Variants in C1QL3 observed in about 807,000 individuals in gnomAD.
C1QL3 encodes complement C1q-like protein 3.
Under a neutral mutation model 16.6 loss-of-function variants are expected in C1QL3, and 4 were observed. The ratio of observed to expected loss-of-function variants is 0.24; its 90% CI spans 0.12 to 0.55. The LOEUF (loss-of-function observed/expected upper bound fraction) is 0.55, where lower values mean the gene tolerates loss of function less well. C1QL3 is among the 20% of genes least tolerant of loss of function. C1QL3 has a pLI of 0.94. For synonymous variants in C1QL3, 189 were observed against 160.2 expected, an observed-to-expected ratio of 1.18 and a Z score of -1.36; for missense variants, 269 against 365.6, an observed-to-expected ratio of 0.74 and a Z score of 2.16.
At position 16,519,105 on chromosome 10, in the gene C1QL3, G is replaced by A. The variant is rs958251357; in HGVS notation, c.588+1373C>T. Among the ~76,000 whole-genome samples, 8 of 91,498 alleles carry A rather than the reference G, an allele frequency of 8.7e-5. No individual in the cohort carries two copies. In the South Asian group the frequency reaches 1.8e-3, roughly 20 times the overall value. 60.0% of individuals were successfully genotyped at this position (91,498 alleles called of 152,430 possible). A position where few individuals can be genotyped will look rare whatever the true frequency, so the allele number is the denominator to read the frequency against. On this transcript the variant is annotated intron_variant, in intron 1 of 1. Coordinates refer to ENST00000298943, the MANE Select transcript of C1QL3 (RefSeq NM_001010908.2). Reference sequence around the variant, plus strand: ...TGTAGGATAGGGTAGAGAATAGGACGTTTTTTGTCTTTTTTCTCTCTTACG... The same window carrying A: ...TGTAGGATAGGGTAGAGAATAGGACATTTTTTGTCTTTTTTCTCTCTTACG...
At position 16,521,269 on chromosome 10, in the gene C1QL3, C is replaced by G. The variant is rs932145557; in HGVS notation, c.-204G>C. 1.5e-5 allele frequency: 8 copies of G among 530,920 alleles called. No individual in the cohort carries two copies. In the Admixed American group the frequency reaches 1.9e-4, roughly 13 times the overall value. The allele number at this position is 530,920 out of a possible 1,614,324, so 32.9% of individuals were successfully genotyped here. A position where few individuals can be genotyped will look rare whatever the true frequency, so the allele number is the denominator to read the frequency against. ...CGCTGCTGCCGACTCCTGCTCCCCC[C>G]GCGGAGGCTGCGGCTGGGGAGGGAG... On this transcript the variant is annotated 5_prime_UTR_variant, in exon 1 of 2. Transcript: ENST00000298943.
At chr10:16,517,991 G>C (rs1322630239) in intron 1 of C1QL3, among the ~76,000 whole-genome samples, 1 of 152,058 alleles carries the variant, frequency 6.6e-6, no homozygotes, top group African/African-American at 2.4e-5. Context: ...CTCTTAGAGG[G>C]AACTGCATTT....
chr10:16,520,444 C>CG lies in C1QL3; in HGVS notation c.588+33_588+34insC. On this transcript the variant is annotated intron_variant, in intron 1 of 1. Transcript: ENST00000298943. This position sits in a 1 kb window ranked among gnomAD's most constrained non-coding sequence, Gnocchi z 8.3. ...TCTCGCCCGCACCTTCCCGCGCTCC[C>CG]TCCCCGCCCTCCCCGCCGCCCGCCC... 13 of 1,271,926 alleles carry CG rather than the reference C, an allele frequency of 1.0e-5. No homozygotes were observed. The highest frequency in any genetic ancestry group is 1.3e-5 in the Non-Finnish European group (12 of 914,006). 78.8% of individuals were successfully genotyped at this position (1,271,926 alleles called of 1,614,324 possible). A position where few individuals can be genotyped will look rare whatever the true frequency, so the allele number is the denominator to read the frequency against.
At chr10:16,518,743 C>G (rs1836990330) in intron 1 of C1QL3, among the ~76,000 whole-genome samples, 1 of 152,112 alleles carries the variant, frequency 6.6e-6, no homozygotes, top group Admixed American at 6.5e-5. Flanking sequence ...ATTGATACCT[C>G]TAAAAATCAT....
Position 16,520,924 on chromosome 10 carries a change from C to G in C1QL3, c.142G>C (p.Asp48His), listed in dbSNP as rs746894408. The change falls in exon 1 of 2, where the codon GAC becomes CAC. Residue 48 changes from aspartate (D) to histidine (H), a missense_variant. Around this residue, in one of 2 missense-constraint regions of C1QL3, gnomAD observed 246 missense variants for 297.2 expected, o/e 0.83. Transcript: ENST00000298943. This position sits in a 1 kb window ranked among gnomAD's most constrained non-coding sequence, Gnocchi z 8.3. The stretch of plus-strand genomic sequence containing the variant: ...GGCAGGGACTGCATGAGGCCGCGGT[C>G]GGGCGTGGCAGCGGTGCTGGGCGCC... ...TKAPSTAATP[D>H]RGLMQSLPTF... The G allele has an allele frequency of 3.2e-6, 5 of 1,563,904 alleles. No individual in the cohort carries two copies. The East Asian group carries it at 1.2e-4, about 36-fold the overall frequency.
chr10:16,521,338 G>C lies in C1QL3; in HGVS notation c.-273C>G, dbSNP rs549339351. On this transcript the variant is annotated 5_prime_UTR_variant, in exon 1 of 2. Transcript: ENST00000298943. ...TGAGCCGAAGTCCCGAGCCCGGGGTGGGGGCCGGGGGAGGGGTGCGCGGGG... is the reference window on the plus strand; with the variant it reads ...TGAGCCGAAGTCCCGAGCCCGGGGTCGGGGCCGGGGGAGGGGTGCGCGGGG... 80 of 357,878 alleles carry C rather than the reference G, an allele frequency of 2.2e-4. No homozygotes were observed. The highest frequency in any genetic ancestry group is 1.6e-3 in the African/African-American group (75 of 46,756). 22.2% of individuals were successfully genotyped at this position (357,878 alleles called of 1,614,324 possible).
At position 16,514,537 on chromosome 10, in the gene C1QL3, A is replaced by G; in HGVS notation, c.759T>C (p.Tyr253=). 2 of 1,613,410 alleles carry G rather than the reference A, an allele frequency of 1.2e-6. No individual in the cohort carries two copies. Among genetic ancestry groups the G allele is most frequent in the Non-Finnish European group, 1.7e-6 (2 of 1,179,502 alleles). The change falls in exon 2 of 2, where the codon TAT becomes TAC. Residue 253 remains tyrosine, a synonymous_variant. Coordinates refer to ENST00000298943, the MANE Select transcript of C1QL3 (RefSeq NM_001010908.2). The part of the protein sequence containing the change: ...KYSTFSGFII[Y]AD The stretch of plus-strand genomic sequence containing the variant: ...CTTAGTTTCTGCATTATCAGTCAGC[A>G]TAAATAATAAATCCAGAAAACGTGC...
chr10:16,518,704 G>T (rs1836990006), intron 1 of C1QL3, among the ~76,000 whole-genome samples: 2 of 151,996 alleles, frequency 1.3e-5, no homozygotes, highest in Admixed American at 6.5e-5. Flanking sequence ...TTACACATTT[G>T]CTGATAAAAT....
chr10:16,514,134 A>G lies in C1QL3; in HGVS notation c.*394T>C, dbSNP rs1836910544. The G allele has an allele frequency of 2.5e-6, 1 of 397,586 alleles. No individual in the cohort carries two copies. The highest frequency in any genetic ancestry group is 4.4e-6 in the Non-Finnish European group (1 of 225,508). The allele number at this position is 397,586 out of a possible 1,614,324, so 24.6% of individuals were successfully genotyped here. On this transcript the variant is annotated 3_prime_UTR_variant, in exon 2 of 2. Coordinates refer to ENST00000298943, the MANE Select transcript of C1QL3 (RefSeq NM_001010908.2). ...TGAATGGACTCCAAGTATCATAATA[A>G]GCAGGTAAACTCACAAGAACCAAAG...
Position 16,520,780 on chromosome 10 carries a change from G to T in C1QL3, c.286C>A (p.Pro96Thr). 1 of 1,303,148 alleles carries T rather than the reference G, an allele frequency of 7.7e-7. No individual in the cohort carries two copies. The highest frequency in any genetic ancestry group is 9.8e-7 in the Non-Finnish European group (1 of 1,024,842). The allele number at this position is 1,303,148 out of a possible 1,614,324, so 80.7% of individuals were successfully genotyped here. Residue 96 changes from proline to threonine, a missense_variant, in exon 1 of 2, where the codon CCG (proline) becomes ACG (threonine). This residue lies in a region of C1QL3 where 246 missense variants were observed against 297.2 expected (regional missense o/e 0.83). Transcript: ENST00000298943. This position sits in a 1 kb window ranked among gnomAD's most constrained non-coding sequence, Gnocchi z 8.3. The part of the protein sequence containing the change: ...PMGPPGEKGE[P>T]GRQGLPGPPG... ...GGGCCCGGCAGGCCTTGGCGGCCCG[G>T]CTCGCCCTTCTCGCCCGGGGGCCCC... is the stretch of plus-strand genomic sequence containing the variant.
In C1QL3 at chr10:16,514,077, C is replaced by T. The variant is rs2133534983; in HGVS notation, c.*451G>A. The T allele has an allele frequency of 5.4e-6, 2 of 373,070 alleles. No individual in the cohort carries two copies. The highest frequency in any genetic ancestry group is 6.9e-4 in the Middle Eastern group (1 of 1,454). 23.1% of individuals were successfully genotyped at this position (373,070 alleles called of 1,614,324 possible). A position where few individuals can be genotyped will look rare whatever the true frequency, so the allele number is the denominator to read the frequency against. The stretch of plus-strand genomic sequence containing the variant: ...AGCATTATTTCAATTAGACCTTCTC[C>T]TGCAGGGCAAAAATCATTCTTCCCC... On this transcript the variant is annotated 3_prime_UTR_variant, in exon 2 of 2. Transcript: ENST00000298943.
At position 16,519,919 on chromosome 10, in the gene C1QL3, G is replaced by A. The variant is rs1837013441; in HGVS notation, c.588+559C>T. ...ACTATATGTGAGTTTCACGGCCTGG[G>A]ACACCGCAAGGACTCGGCGACGGCG... On this transcript the variant is annotated intron_variant, in intron 1 of 1. Coordinates refer to ENST00000298943, the MANE Select transcript of C1QL3 (RefSeq NM_001010908.2). Among the ~76,000 whole-genome samples, 9 of 152,162 alleles carry A rather than the reference G, an allele frequency of 5.9e-5. No homozygotes were observed. In the South Asian group the frequency reaches 1.9e-3, roughly 32 times the overall value.
rs953652077 is a variant in C1QL3, at chr10:16,514,038, C to A, written c.*490G>T. 9.2e-6 allele frequency: 3 copies of A among 327,444 alleles called. No homozygotes were observed. The highest frequency in any genetic ancestry group is 4.8e-5 in the Admixed American group (1 of 20,672). The allele number at this position is 327,444 out of a possible 1,614,324, so 20.3% of individuals were successfully genotyped here. Reference sequence around the variant, plus strand: ...AACAAGAGTACAAGGCAAACAATTTCTTTGGGGACAAGCAGCATTATTTCA... The same window carrying A: ...AACAAGAGTACAAGGCAAACAATTTATTTGGGGACAAGCAGCATTATTTCA... On this transcript the variant is annotated 3_prime_UTR_variant, in exon 2 of 2. Coordinates refer to ENST00000298943, the MANE Select transcript of C1QL3 (RefSeq NM_001010908.2).
intron 1 of C1QL3, among the ~76,000 whole-genome samples, chr10:16,519,140 C>CTTTTTTTTTTT (rs567187339): frequency 0.06 from 2,334 of 38,740 alleles, 326 homozygotes; most frequent in Middle Eastern, 0.14. Flanking sequence ...GCATTTAGGA[C>CTTTTTTTTTTT]TTTTTTTTTT....
rs544408269 is a variant in C1QL3 at position 16,515,772 on chromosome 10, A to C, written c.589-1065T>G. ...GGCAGACTTAGATTTGATTTATTTC[A>C]GTAAAACATCTTCTACTTTGTGGCT... is the stretch of plus-strand genomic sequence containing the variant. On this transcript the variant is annotated intron_variant, in intron 1 of 1. Coordinates refer to ENST00000298943, the MANE Select transcript of C1QL3 (RefSeq NM_001010908.2). Among the ~76,000 whole-genome samples the C allele has an allele frequency of 2.6e-5, 4 of 152,308 alleles. No homozygotes were observed. The South Asian group carries it at 8.3e-4, about 32-fold the overall frequency.
rs755795949 is a variant in C1QL3 at position 16,520,429 on chromosome 10, A to G, written c.588+49T>C. ...CCGGGGTCTCCTCCCTCTCGCCCGC[A>G]CCTTCCCGCGCTCCCTCCCCGCCCT... On this transcript the variant is annotated intron_variant, in intron 1 of 1. Coordinates refer to ENST00000298943, the MANE Select transcript of C1QL3 (RefSeq NM_001010908.2). This position sits in a 1 kb window ranked among gnomAD's most constrained non-coding sequence, Gnocchi z 8.3. 4 of 1,339,168 alleles carry G rather than the reference A, an allele frequency of 3.0e-6. No individual in the cohort carries two copies. In the African/African-American group the frequency reaches 6.1e-5, roughly 20 times the overall value. 83.0% of individuals were successfully genotyped at this position (1,339,168 alleles called of 1,614,324 possible).
rs1316244759 is a variant in C1QL3 at position 16,514,380 on chromosome 10, A to G, written c.*148T>C. 1.6e-6 allele frequency: 1 copy of G among 644,382 alleles called. No individual in the cohort carries two copies. Among genetic ancestry groups the G allele is most frequent in the East Asian group, 2.6e-5 (1 of 37,800 alleles). The allele number at this position is 644,382 out of a possible 1,614,324, so 39.9% of individuals were successfully genotyped here. A position where few individuals can be genotyped will look rare whatever the true frequency, so the allele number is the denominator to read the frequency against. On this transcript the variant is annotated 3_prime_UTR_variant, in exon 2 of 2. Transcript: ENST00000298943. ...TTTACATAATGTTTCTGAGTGATAC[A>G]GATGTGAGTCAGGTAGCATTTGATT...
chr10:16,521,372 C>G lies in C1QL3; in HGVS notation c.-307G>C. ...GGGAGGGGTGCGCGGGGCGCCCTCG[C>G]CCCCCGCGAGCTCCTTCGCACCTGT... On this transcript the variant is annotated 5_prime_UTR_variant, in exon 1 of 2. Transcript: ENST00000298943. 3.9e-6 allele frequency: 1 copy of G among 258,462 alleles called. No individual in the cohort carries two copies. The highest frequency in any genetic ancestry group is 7.3e-6 in the Non-Finnish European group (1 of 137,342). The allele number at this position is 258,462 out of a possible 1,614,324, so 16.0% of individuals were successfully genotyped here.
rs1837017662 is a variant in C1QL3 at position 16,520,200 on chromosome 10, G to A, written c.588+278C>T. On this transcript the variant is annotated intron_variant, in intron 1 of 1. Transcript: ENST00000298943. The surrounding 1 kb of genome is among the most constrained non-coding windows in gnomAD (Gnocchi z 8.3). ...GAGCTGTCCCCGGGACCCAGCTCCC[G>A]GCTTCCCGCCCCTCGAGGGTCGCGC... 6.6e-6 allele frequency among the ~76,000 whole-genome samples: 1 copy of A among 152,272 alleles called. No homozygotes were observed. Among genetic ancestry groups the A allele is most frequent in the East Asian group, 1.9e-4 (1 of 5,140 alleles).
Sources: allele counts gnomAD v4.1 joint callset (sites outside exome capture counted in the v4.1 genomes callset), GRCh38; gene constraint gnomAD v4.1.1; regional missense constraint gnomAD v4.1.1; non-coding constraint Gnocchi (gnomAD v3.1); transcripts MANE v1.5; gene names NCBI Gene and HGNC (gene_info 2026-07-23, HGNC 2026-07-21).